ELP3: variants seen among roughly 807,000 people sequenced by gnomAD.
ELP3 encodes the protein elongator acetyltransferase complex subunit 3.
ELP3 carries 56 observed loss-of-function variants against 74.9 expected under a neutral mutation model. The observed-to-expected ratio is 0.75, with a 90% CI of 0.60 to 0.93. The LOEUF is 0.93. Among genes scored for constraint, ELP3 ranks in the 40% least tolerant of loss-of-function variants. ELP3 has a pLI of 0.00. For synonymous variants in ELP3, 222 were observed against 239.8 expected (o/e 0.93, Z 0.68); for missense variants, 573 against 686.5 (o/e 0.83, Z 1.85).
At chr8:28,177,351 G>C (rs1281405151) in intron 14 of ELP3, among the ~76,000 whole-genome samples, 2 of 152,170 alleles carry the variant, frequency 1.3e-5, no homozygotes, top group Non-Finnish European at 2.9e-5. Context: ...CATTGTTGAA[G>C]AGTAAAATAT....
intron 10 of ELP3, among the ~76,000 whole-genome samples, chr8:28,149,067 G>A (rs968979420): frequency 6.6e-6 from 1 of 152,130 alleles, no homozygotes; most frequent in Non-Finnish European, 1.5e-5. Flanking sequence ...GAGAAAGTGG[G>A]CCCTCACCAG....
chr8:28,162,305 T>C (rs1312046109), intron 14 of ELP3, among the ~76,000 whole-genome samples: 1 of 152,214 alleles, frequency 6.6e-6, no homozygotes, highest in Non-Finnish European at 1.5e-5. Flanking sequence ...ATATGCCCTC[T>C]TCTGCACTCT....
chr8:28,158,553 AT>A lies in ELP3; in HGVS notation c.1192-6del, dbSNP rs199790884. 6.5e-4 allele frequency: 894 copies of A among 1,371,566 alleles called. No homozygotes were observed. Among genetic ancestry groups the A allele is most frequent in the Non-Finnish European group, 7.1e-4 (729 of 1,022,320 alleles). 85.0% of individuals were successfully genotyped at this position (1,371,566 alleles called of 1,614,324 possible). A position where few individuals can be genotyped will look rare whatever the true frequency, so the allele number is the denominator to read the frequency against. ...CCCACCCCCCAACCCCGCTCACGCC[AT>A]TTTTTTTTGACAGTGTCGAGATGTG... On this transcript the variant is annotated splice_polypyrimidine_tract_variant and intron_variant, in intron 11 of 14. Coordinates refer to ENST00000256398, the MANE Select transcript of ELP3 (RefSeq NM_018091.6).
intron 14 of ELP3, among the ~76,000 whole-genome samples, chr8:28,187,087 G>C (rs1815270337): frequency 6.6e-6 from 1 of 152,090 alleles, no homozygotes; most frequent in East Asian, 1.9e-4. Context: ...GGTGGCTCCT[G>C]TTTCTCCAGA....
intron 14 of ELP3, among the ~76,000 whole-genome samples, chr8:28,188,708 A>G (rs1201834720): frequency 2.6e-5 from 4 of 152,152 alleles, no homozygotes; most frequent in Non-Finnish European, 4.4e-5. Flanking sequence ...TGTATCTTTT[A>G]TCATATCCTG....
chr8:28,114,781 A>C (rs1025792529), intron 7 of ELP3, among the ~76,000 whole-genome samples: 2 of 152,196 alleles, frequency 1.3e-5, no homozygotes, highest in Non-Finnish European at 2.9e-5. Context: ...GCCAAGATAC[A>C]TGCTTTTAAG....
intron 10 of ELP3, among the ~76,000 whole-genome samples, chr8:28,153,617 A>G (rs547093990): frequency 6.6e-6 from 1 of 152,110 alleles, no homozygotes; most frequent in Non-Finnish European, 1.5e-5. Context: ...AATGGAGGGA[A>G]GTTGTCCTGT....
intron 7 of ELP3, among the ~76,000 whole-genome samples, chr8:28,127,683 A>G (rs1007230037): frequency 2.0e-5 from 3 of 152,068 alleles, no homozygotes; most frequent in Non-Finnish European, 2.9e-5. Context: ...TGATGATTCT[A>G]TTGTTTCAGA....
intron 9 of ELP3, among the ~76,000 whole-genome samples, chr8:28,134,492 G>A (rs1812905247): frequency 6.6e-6 from 1 of 152,124 alleles, no homozygotes; most frequent in Admixed American, 6.5e-5. Flanking sequence ...TGAAAAATCT[G>A]AGTTCTTTCT....
At chr8:28,152,451 C>T (rs943219278) in intron 10 of ELP3, among the ~76,000 whole-genome samples, 4 of 152,104 alleles carry the variant, frequency 2.6e-5, no homozygotes, top group African/African-American at 2.4e-5. Flanking sequence ...GCAGCACAGA[C>T]GTCTTTAATT....
In ELP3 at chr8:28,160,103, C is replaced by T. The variant is rs1360734873; in HGVS notation, c.1258-126C>T. 6 of 838,950 alleles carry T rather than the reference C, an allele frequency of 7.2e-6. No individual in the cohort carries two copies. The East Asian group carries it at 1.1e-4, about 15-fold the overall frequency. The allele number at this position is 838,950 out of a possible 1,614,324, so 52.0% of individuals were successfully genotyped here. ...TTGAGAGTAGACAAGTAAAAAGAAA[C>T]ATAATTAGTGATTATTCATTCCTTA... On this transcript the variant is annotated intron_variant, in intron 12 of 14. Coordinates refer to ENST00000256398, the MANE Select transcript of ELP3 (RefSeq NM_018091.6).
chr8:28,189,287 A>G (rs1307022293), intron 14 of ELP3, among the ~76,000 whole-genome samples: 2 of 152,062 alleles, frequency 1.3e-5, no homozygotes. Flanking sequence ...CAGTAAATCC[A>G]CCTCTTCTCC....
At chr8:28,134,212 C>T (rs2130470443) in intron 9 of ELP3, among the ~76,000 whole-genome samples, 1 of 152,154 alleles carries the variant, frequency 6.6e-6, no homozygotes, top group South Asian at 2.1e-4. Flanking sequence ...GTAGGATAGC[C>T]AGAACTCATA....
At chr8:28,165,450 A>G (rs1321133538) in intron 14 of ELP3, among the ~76,000 whole-genome samples, 1 of 152,166 alleles carries the variant, frequency 6.6e-6, no homozygotes, top group Non-Finnish European at 1.5e-5. Flanking sequence ...GTTTGACCTA[A>G]GTGTTTACTT....
intron 14 of ELP3, among the ~76,000 whole-genome samples, chr8:28,184,326 C>T (rs1332808604): frequency 6.6e-6 from 1 of 152,140 alleles, no homozygotes; most frequent in African/African-American, 2.4e-5. Context: ...CATCTCAGGC[C>T]TGCTGCGTCT....
rs1165911842 is a variant in ELP3 at position 28,158,624 on chromosome 8, G to T, written c.1248G>T (p.Arg416=). Residue 416 remains arginine, a synonymous_variant, in exon 12 of 15, where the codon CGG becomes CGT. Transcript: ENST00000256398. ...VGIQEIHHKV[R]PYQVELVRRD... ...TCCAAGAAATTCATCACAAAGTACG[G>T]CCATACCAGGTTAGTCTCTTCATGT... The T allele has an allele frequency of 6.2e-7, 1 of 1,613,250 alleles. No homozygotes were observed. The highest frequency in any genetic ancestry group is 8.5e-7 in the Non-Finnish European group (1 of 1,179,660).
intron 14 of ELP3, among the ~76,000 whole-genome samples, chr8:28,187,797 CCTG>C (rs1206948587): frequency 2.0e-5 from 3 of 152,042 alleles, no homozygotes; most frequent in Non-Finnish European, 4.4e-5. Flanking sequence ...GGGTTTTTGA[CCTG>C]CTACACCTTC....
Position 28,181,956 on chromosome 8 carries a change from T to A in ELP3, c.1568-7693T>A, listed in dbSNP as rs1815027624. ...TATAGTCACTTAGCTATCAAGTGGTTTTCTTTGTTTGTTTGTTTGTTTTGA... is the reference window on the plus strand; with the variant it reads ...TATAGTCACTTAGCTATCAAGTGGTATTCTTTGTTTGTTTGTTTGTTTTGA... On this transcript the variant is annotated intron_variant, in intron 14 of 14. Transcript: ENST00000256398. Among the ~76,000 whole-genome samples, 3 of 115,082 alleles carry A rather than the reference T, an allele frequency of 2.6e-5. 1 individual carries two copies. The highest frequency in any genetic ancestry group is 5.3e-3 in the Middle Eastern group (1 of 190). The allele number at this position is 115,082 out of a possible 152,430, so 75.5% of individuals were successfully genotyped here. A position where few individuals can be genotyped will look rare whatever the true frequency, so the allele number is the denominator to read the frequency against.
intron 7 of ELP3, among the ~76,000 whole-genome samples, chr8:28,118,013 C>G (rs1812206287): frequency 6.6e-6 from 1 of 152,208 alleles, no homozygotes; most frequent in Admixed American, 6.5e-5. Flanking sequence ...TGCCCAGAGT[C>G]TATGAGTGAA....
Sources: allele counts gnomAD v4.1 joint callset (sites outside exome capture counted in the v4.1 genomes callset), GRCh38; gene constraint gnomAD v4.1.1; transcripts MANE v1.5; gene names NCBI Gene and HGNC (gene_info 2026-07-23, HGNC 2026-07-21).